Variants in TUSC3 observed in about 807,000 individuals in gnomAD.
TUSC3 encodes the protein dolichyl-diphosphooligosaccharide--protein glycosyltransferase subunit TUSC3.
Under a neutral mutation model 44.8 loss-of-function variants are expected in TUSC3, and 45 were observed. The observed-to-expected ratio is 1.00, with a 90% CI of 0.79 to 1.29. The LOEUF is 1.29. TUSC3 is among the 50% of genes most tolerant of loss of function. The probability of loss-of-function intolerance (pLI) is 0.00; values close to 1 mark genes in which losing one functional copy is unlikely to be tolerated. For missense variants in TUSC3, 519 were observed against 437.9 expected, an observed-to-expected ratio of 1.19 and a Z score of -1.65; for synonymous variants, 212 against 152.9, an observed-to-expected ratio of 1.39 and a Z score of -2.85.
At chr8:15,775,748 CTA>C in the TUSC3 span, among the ~76,000 whole-genome samples, 32,822 of 138,342 alleles carry the variant, frequency 0.24, 3,895 homozygotes, top group Non-Finnish European at 0.28. Context: ...ATATATTACA[CTA>C]TATATATATA....
intron 6 of TUSC3, among the ~76,000 whole-genome samples, chr8:15,721,506 A>T (rs779031380): frequency 6.6e-6 from 1 of 152,084 alleles, no homozygotes; most frequent in Non-Finnish European, 1.5e-5. Flanking sequence ...TATATACGTG[A>T]TGTGACAGCT....
the TUSC3 span, among the ~76,000 whole-genome samples, chr8:15,788,981 C>T: frequency 6.6e-6 from 1 of 152,154 alleles, no homozygotes; most frequent in Admixed American, 6.5e-5. Flanking sequence ...AGCTACGCCT[C>T]CCCTTTCCTC....
At chr8:15,498,546 G>A (rs2129126637) in intron 2 of TUSC3, among the ~76,000 whole-genome samples, 1 of 152,274 alleles carries the variant, frequency 6.6e-6, no homozygotes, top group South Asian at 2.1e-4. Context: ...AAGTTGAATC[G>A]CTCTACATGG....
At chr8:15,513,229 A>G (rs1391168226) in intron 2 of TUSC3, among the ~76,000 whole-genome samples, 2 of 152,034 alleles carry the variant, frequency 1.3e-5, no homozygotes, top group Non-Finnish European at 2.9e-5. Context: ...CTACAAATGT[A>G]GTATAATTGC....
intron 1 of TUSC3, among the ~76,000 whole-genome samples, chr8:15,579,120 T>G (rs151238001): frequency 1.3e-5 from 2 of 151,830 alleles, no homozygotes; most frequent in East Asian, 3.9e-4. Context: ...GTTTGTAGTA[T>G]TCTCTGATAT....
At chr8:15,785,159 T>C in the TUSC3 span, among the ~76,000 whole-genome samples, 10 of 152,224 alleles carry the variant, frequency 6.6e-5, no homozygotes, top group African/African-American at 2.2e-4. Flanking sequence ...CACTAAAATC[T>C]CAGAAATCAC....
intron 6 of TUSC3, among the ~76,000 whole-genome samples, chr8:15,719,785 G>T (rs897188558): frequency 3.3e-5 from 5 of 152,118 alleles, no homozygotes; most frequent in African/African-American, 1.2e-4. Flanking sequence ...AGGAAACTGC[G>T]CCATATGTTG....
intron 5 of TUSC3, among the ~76,000 whole-genome samples, chr8:15,671,350 T>G (rs1427686496): frequency 2.6e-5 from 4 of 151,996 alleles, no homozygotes; most frequent in Non-Finnish European, 4.4e-5. Flanking sequence ...TCAAATTGAT[T>G]GCAAAATTAA....
intron 3 of TUSC3, among the ~76,000 whole-genome samples, chr8:15,656,806 C>T (rs1807190172): frequency 6.6e-6 from 1 of 152,242 alleles, no homozygotes; most frequent in Non-Finnish European, 1.5e-5. Flanking sequence ...GGGCTCTCCA[C>T]AAAGTCATTT....
the TUSC3 span, among the ~76,000 whole-genome samples, chr8:15,846,850 C>G: frequency 6.9e-6 from 1 of 144,732 alleles, no homozygotes; most frequent in African/African-American, 2.7e-5. Context: ...CACATATATC[C>G]CAGAACTTAA....
chr8:15,524,595 T>A (rs1278297418), intron 2 of TUSC3, among the ~76,000 whole-genome samples: 1 of 152,226 alleles, frequency 6.6e-6, no homozygotes, highest in Admixed American at 6.5e-5. Flanking sequence ...TCAAAGAGCG[T>A]AATTGGTGCT....
At chr8:15,500,809 A>C (rs113104395) in intron 2 of TUSC3, among the ~76,000 whole-genome samples, 2 of 152,286 alleles carry the variant, frequency 1.3e-5, no homozygotes, top group South Asian at 4.1e-4. Flanking sequence ...TCTGTTCATG[A>C]ATATTAAGCC....
chr8:15,843,812 G>A, the TUSC3 span, among the ~76,000 whole-genome samples: 1 of 151,874 alleles, frequency 6.6e-6, no homozygotes, highest in East Asian at 1.9e-4. Flanking sequence ...ATGAAACATA[G>A]CTTTGTCCTT....
chr8:15,709,815 G>A (rs940620838), intron 6 of TUSC3, among the ~76,000 whole-genome samples: 27 of 151,874 alleles, frequency 1.8e-4, no homozygotes, highest in African/African-American at 5.1e-4. Flanking sequence ...GTCTAACTGC[G>A]TAGTCCAGAT....
intron 6 of TUSC3, among the ~76,000 whole-genome samples, chr8:15,703,791 T>G (rs1198857376): frequency 1.3e-5 from 2 of 152,068 alleles, no homozygotes; most frequent in African/African-American, 4.8e-5. Context: ...TGATCCAAAC[T>G]CCTCCTCTCA....
chr8:15,829,320 G>A, the TUSC3 span, among the ~76,000 whole-genome samples: 65 of 152,296 alleles, frequency 4.3e-4, no homozygotes, highest in African/African-American at 1.5e-3. Context: ...GCCAGACTGC[G>A]ATTATGTATA....
At chr8:15,659,377 T>C (rs1462689969) in intron 3 of TUSC3, 130 bp from the exon 4 acceptor site, 6 of 1,138,620 alleles carry the variant, frequency 5.3e-6, no homozygotes, top group Non-Finnish European at 7.5e-6. Flanking sequence ...AACAGAAATT[T>C]ACCTCTGGAA....
chr8:15,675,125 G>C (rs527390156), intron 6 of TUSC3, among the ~76,000 whole-genome samples: 20 of 152,182 alleles, frequency 1.3e-4, no homozygotes, highest in African/African-American at 4.8e-4. Flanking sequence ...CCTAGTAATA[G>C]ATAAGCTTCT....
intron 1 of TUSC3, among the ~76,000 whole-genome samples, chr8:15,577,253 T>A (rs1449934254): frequency 2.6e-5 from 4 of 151,176 alleles, no homozygotes; most frequent in Admixed American, 2.0e-4. Flanking sequence ...TTTCTCCCAT[T>A]TTGTAGGTTG....
Sources: allele counts gnomAD v4.1 joint callset (sites outside exome capture counted in the v4.1 genomes callset), GRCh38; gene constraint gnomAD v4.1.1; transcripts MANE v1.5; gene names NCBI Gene and HGNC (gene_info 2026-07-23, HGNC 2026-07-21).